The following PACRG variants were observed in gnomAD, a reference collection of about 807,000 sequenced individuals.
The protein encoded by PACRG is parkin coregulated.
A neutral mutation model predicts 29.7 loss-of-function variants in PACRG; 29 were observed. That is an observed-to-expected ratio of 0.98 (90% CI 0.73 to 1.33). The LOEUF (loss-of-function observed/expected upper bound fraction) is 1.33, where lower values mean the gene tolerates loss of function less well. Among genes scored for constraint, PACRG ranks in the 40% most tolerant of loss-of-function variants. The probability of loss-of-function intolerance (pLI) is 0.00; values close to 1 mark genes in which losing one functional copy is unlikely to be tolerated. For missense variants in PACRG, 279 were observed against 316.2 expected, an observed-to-expected ratio of 0.88 and a Z score of 0.89; for synonymous variants, 116 against 118.7, an observed-to-expected ratio of 0.98 and a Z score of 0.15.
chr6:163,168,974 G>A (rs1585288932), intron 4 of PACRG, among the ~76,000 whole-genome samples: 1 of 152,212 alleles, frequency 6.6e-6, no homozygotes, highest in African/African-American at 2.4e-5. Context: ...GACCAGAAGT[G>A]AAGCTAATCA....
chr6:163,239,929 ACACT>A (rs35888982), intron 4 of PACRG, among the ~76,000 whole-genome samples: 20,055 of 122,540 alleles, frequency 0.16, 1,859 homozygotes, highest in South Asian at 0.31. Flanking sequence ...CATCCATAAC[ACACT>A]CACACTCCCA....
chr6:163,198,575 G>A (rs1037441150), intron 4 of PACRG, among the ~76,000 whole-genome samples: 3 of 152,144 alleles, frequency 2.0e-5, no homozygotes, highest in Non-Finnish European at 4.4e-5. Context: ...GATGGGCACC[G>A]AGGTTGTCTG....
intron 4 of PACRG, among the ~76,000 whole-genome samples, chr6:163,209,802 A>G (rs914318001): frequency 2.6e-5 from 4 of 152,210 alleles, no homozygotes; most frequent in African/African-American, 9.7e-5. Context: ...AAACTTCCAT[A>G]TGTCTAAAGT....
intron 4 of PACRG, among the ~76,000 whole-genome samples, chr6:163,289,737 C>G (rs1398177139): frequency 6.6e-6 from 1 of 151,772 alleles, no homozygotes; most frequent in Non-Finnish European, 1.5e-5. Context: ...GAAATGAAGA[C>G]CGGGAGTGGG....
intron 1 of PACRG, among the ~76,000 whole-genome samples, chr6:162,808,459 TAATA>T (rs1484931550): frequency 6.6e-5 from 10 of 152,320 alleles, no homozygotes; most frequent in Non-Finnish European, 1.5e-5. Flanking sequence ...TTATGCTAAA[TAATA>T]AAAATAGTGA....
At chr6:163,076,653 A>T (rs1223296705) in intron 3 of PACRG, among the ~76,000 whole-genome samples, 1 of 152,214 alleles carries the variant, frequency 6.6e-6, no homozygotes, top group Non-Finnish European at 1.5e-5. Context: ...CCTGTGCTCT[A>T]GCCAAACCGA....
rs562835551 is a variant in PACRG, at chr6:162,779,273, G to A, written c.157-34874G>A. The stretch of plus-strand genomic sequence containing the variant: ...ATATGTACCACATTTTCTTTATCCA[G>A]TCTGTCGTCAACGAGCATTCGGGTT... On this transcript the variant is annotated intron_variant, in intron 1 of 4. Coordinates refer to ENST00000366888, the MANE Select transcript of PACRG (RefSeq NM_001080379.2). 9.2e-5 allele frequency among the ~76,000 whole-genome samples: 14 copies of A among 152,212 alleles called. No homozygotes were observed. In the South Asian group the frequency reaches 2.9e-3, roughly 32 times the overall value.
At chr6:163,162,882 T>A (rs1392571683) in intron 4 of PACRG, among the ~76,000 whole-genome samples, 1 of 152,088 alleles carries the variant, frequency 6.6e-6, no homozygotes, top group Non-Finnish European at 1.5e-5. Flanking sequence ...CCAGTCCTTC[T>A]GGTTTTCGGT....
intron 2 of PACRG, among the ~76,000 whole-genome samples, chr6:162,846,119 C>T (rs946257709): frequency 5.3e-5 from 8 of 152,066 alleles, no homozygotes; most frequent in South Asian, 4.1e-4. Flanking sequence ...GCCTGCACTG[C>T]GTCTCTAAGG....
intron 4 of PACRG, among the ~76,000 whole-genome samples, chr6:163,292,503 C>T (rs183572671): frequency 6.6e-5 from 10 of 152,288 alleles, no homozygotes; most frequent in Admixed American, 2.0e-4. Flanking sequence ...TGGGTTCAAG[C>T]AATTCTCCTG....
intron 4 of PACRG, among the ~76,000 whole-genome samples, chr6:163,136,590 G>A (rs1180885455): frequency 6.6e-6 from 1 of 151,988 alleles, no homozygotes; most frequent in Non-Finnish European, 1.5e-5. Flanking sequence ...CACAGCTTTC[G>A]TTAGTTTCAG....
chr6:162,805,046 A>G (rs1488162092), intron 1 of PACRG, among the ~76,000 whole-genome samples: 1 of 152,212 alleles, frequency 6.6e-6, no homozygotes, highest in East Asian at 1.9e-4. Flanking sequence ...GATGGTAAGT[A>G]CTTGTGTATC....
At chr6:162,917,121 C>G (rs1255593345) in intron 2 of PACRG, among the ~76,000 whole-genome samples, 1 of 152,120 alleles carries the variant, frequency 6.6e-6, no homozygotes, top group Non-Finnish European at 1.5e-5. Context: ...TCAAGGCTGG[C>G]CTCCAATTAT....
chr6:163,273,493 G>A (rs1291104173), intron 4 of PACRG, among the ~76,000 whole-genome samples: 1 of 151,970 alleles, frequency 6.6e-6, no homozygotes, highest in Non-Finnish European at 1.5e-5. Flanking sequence ...ATAACCTTCT[G>A]TATTTTTCCC....
chr6:162,830,572 C>T (rs912267547), intron 2 of PACRG, among the ~76,000 whole-genome samples: 1 of 152,250 alleles, frequency 6.6e-6, no homozygotes, highest in African/African-American at 2.4e-5. Context: ...AATACCATGC[C>T]TGTCCCAGGC....
chr6:162,810,784 A>G (rs533098524), intron 1 of PACRG, among the ~76,000 whole-genome samples: 9 of 152,308 alleles, frequency 5.9e-5, no homozygotes, highest in Admixed American at 1.3e-4. Context: ...AAAAAGTTTC[A>G]GGGATCTGTG....
At chr6:163,158,436 C>G (rs754056763) in intron 4 of PACRG, among the ~76,000 whole-genome samples, 10 of 152,068 alleles carry the variant, frequency 6.6e-5, no homozygotes, top group Non-Finnish European at 1.5e-4. Flanking sequence ...GCTGATGAAC[C>G]CTTAAAGATC....
At chr6:162,802,817 T>A (rs1249819965) in intron 1 of PACRG, among the ~76,000 whole-genome samples, 1 of 152,196 alleles carries the variant, frequency 6.6e-6, no homozygotes, top group Non-Finnish European at 1.5e-5. Context: ...TCTCACTTGT[T>A]GAATTTTATG....
At chr6:163,272,509 G>T (rs368856676) in intron 4 of PACRG, among the ~76,000 whole-genome samples, 1 of 151,944 alleles carries the variant, frequency 6.6e-6, no homozygotes, top group Non-Finnish European at 1.5e-5. Context: ...TAATAGCATT[G>T]ACTATTTCCT....
Sources: allele counts gnomAD v4.1 joint callset (sites outside exome capture counted in the v4.1 genomes callset), GRCh38; gene constraint gnomAD v4.1.1; transcripts MANE v1.5; gene names NCBI Gene and HGNC (gene_info 2026-07-23, HGNC 2026-07-21).